Variants in HENMT1 observed in about 807,000 individuals in gnomAD.
HENMT1 encodes small RNA 2'-O-methyltransferase.
Under a neutral mutation model 31.1 loss-of-function variants are expected in HENMT1, and 27 were observed. The observed-to-expected ratio is 0.87, with a 90% CI of 0.64 to 1.20. The LOEUF (loss-of-function observed/expected upper bound fraction) is 1.20. HENMT1 is among the 50% of genes most tolerant of loss of function. HENMT1 has a pLI of 0.00. For synonymous variants in HENMT1, 167 were observed against 172.2 expected, an observed-to-expected ratio of 0.97 and a Z score of 0.24; for missense variants, 438 against 469.6, an observed-to-expected ratio of 0.93 and a Z score of 0.62.
intron 6 of HENMT1, among the ~76,000 whole-genome samples, 162 bp downstream of exon 6, chr1:108,650,868 G>A (rs759923743): frequency 3.9e-4 from 59 of 152,216 alleles, no homozygotes; most frequent in Middle Eastern, 3.4e-3. Flanking sequence ...CAAATGCAAT[G>A]GTTCCTTTGT....
intron 2 of HENMT1, among the ~76,000 whole-genome samples, chr1:108,659,356 CCT>C (rs1658368398): frequency 6.6e-6 from 1 of 151,820 alleles, no homozygotes; most frequent in Non-Finnish European, 1.5e-5. Flanking sequence ...AGAGCAAGAC[CCT>C]GTCTTAAAAA....
chr1:108,650,047 G>T, intron 7 of HENMT1, 164 bp downstream of exon 7: 1 of 720,064 alleles, frequency 1.4e-6, no homozygotes, highest in Non-Finnish European at 2.5e-6. Context: ...GACACCGTAG[G>T]CTAACTCGGA....
rs1657959836 is a variant in HENMT1, at chr1:108,648,875, T to C, written c.873A>G (p.Lys291=). ...TATCACCCCGTTCCCCAGCCTGTTC[T>C]TTCCGCCTTGGCAGGTGGCTCACTC... ...SLRVSHLPRR[K]EQAGERGDKP... is the part of the protein sequence containing the mutation. Residue 291 remains lysine (K), a synonymous_variant, in exon 8 of 8, where the codon AAA becomes AAG. Transcript: ENST00000651461. 1 of 1,614,224 alleles carries C rather than the reference T, an allele frequency of 6.2e-7. No homozygotes were observed. Among genetic ancestry groups the C allele is most frequent in the Non-Finnish European group, 8.5e-7 (1 of 1,180,042 alleles).
At chr1:108,649,208 T>C (rs1452342144) in intron 7 of HENMT1, 2 of 626,594 alleles carry the variant, frequency 3.2e-6, no homozygotes, top group African/African-American at 1.8e-5. Flanking sequence ...TAATGCCCAA[T>C]GTCTCCCAGC....
In HENMT1 at chr1:108,658,118, CAT is replaced by C. The variant is rs1201012648; in HGVS notation, c.22-541_22-540del. On this transcript the variant is annotated intron_variant, in intron 2 of 7. Coordinates refer to ENST00000651461, the MANE Select transcript of HENMT1 (RefSeq NM_001102592.2). ...ACATATATACACACACACACACACA[CAT>C]ATATATATATATATTTTTTTTTTCC... is the stretch of plus-strand genomic sequence containing the variant. Among the ~76,000 whole-genome samples the C allele has an allele frequency of 2.1e-3, 272 of 129,000 alleles. 3 individuals are homozygous for C. Among genetic ancestry groups the C allele is most frequent in the Middle Eastern group, 0.013 (3 of 238 alleles). The allele number at this position is 129,000 out of a possible 152,430, so 84.6% of individuals were successfully genotyped here.
At chr1:108,660,510 C>T (rs1174073083) in intron 1 of HENMT1, among the ~76,000 whole-genome samples, 1 of 152,164 alleles carries the variant, frequency 6.6e-6, no homozygotes, top group African/African-American at 2.4e-5. Flanking sequence ...TAGAGATGCT[C>T]CAACATCTAT....
In HENMT1 at chr1:108,661,021, G is replaced by T; in HGVS notation, c.-137C>A. On this transcript the variant is annotated 5_prime_UTR_variant, in exon 1 of 8. The change creates a new upstream start codon in the 5' untranslated region. Transcript: ENST00000651461. ...CGCTTCCATCATCCTGCGGTAAGCA[G>T]CATGCCCAACCGAAAAAACAAAGCT... 1 of 984,984 alleles carries T rather than the reference G, an allele frequency of 1.0e-6. No individual in the cohort carries two copies. The highest frequency in any genetic ancestry group is 1.2e-6 in the Non-Finnish European group (1 of 829,566). 61.0% of individuals were successfully genotyped at this position (984,984 alleles called of 1,614,324 possible).
intron 2 of HENMT1, among the ~76,000 whole-genome samples, chr1:108,658,447 G>C (rs963807223): frequency 1.3e-5 from 2 of 152,062 alleles, no homozygotes; most frequent in African/African-American, 4.8e-5. Flanking sequence ...CTCTTTTTAA[G>C]AGAGAGAGAG....
chr1:108,650,044 T>C (rs185543569), intron 7 of HENMT1, 167 bp downstream of exon 7: 1 of 715,406 alleles, frequency 1.4e-6, no homozygotes, highest in Middle Eastern at 2.3e-4. Context: ...AAGGACACCG[T>C]AGGCTAACTC....
In HENMT1 at chr1:108,655,848, TACACACACACACACACACACACAC is replaced by T. The variant is rs61122468; in HGVS notation, c.151-174_151-151del. On this transcript the variant is annotated intron_variant, in intron 3 of 7. Transcript: ENST00000651461. Reference sequence around the variant, plus strand: ...GAAGGATCTTTTTGGCAGAAGATGCTACACACACACACACACACACACACACACACACACACACACACACTAACC... The same window carrying T: ...GAAGGATCTTTTTGGCAGAAGATGCTACACACACACACACACACACTAACC... 11 of 234,034 alleles carry T rather than the reference TACACACACACACACACACACACAC, an allele frequency of 4.7e-5. No homozygotes were observed. The East Asian group carries it at 7.1e-4, about 15-fold the overall frequency. The allele number at this position is 234,034 out of a possible 1,614,324, so 14.5% of individuals were successfully genotyped here.
chr1:108,652,114 G>C (rs1658076325), intron 5 of HENMT1, among the ~76,000 whole-genome samples: 1 of 152,198 alleles, frequency 6.6e-6, no homozygotes, highest in South Asian at 2.1e-4. Flanking sequence ...AAGGAGCCCA[G>C]GCAAACGTGA....
intron 3 of HENMT1, 70 bp downstream of exon 3, chr1:108,657,381 T>C: frequency 8.7e-7 from 1 of 1,149,258 alleles, no homozygotes. Context: ...ACTAATCCAT[T>C]TGACAAAACA....
chr1:108,657,659 A>G, intron 2 of HENMT1, 80 bp from the exon 3 acceptor site: 1 of 1,338,340 alleles, frequency 7.5e-7, no homozygotes, highest in Non-Finnish European at 1.0e-6. Flanking sequence ...AAAAAAAAAA[A>G]CTTTATTTCC....
At position 108,648,628 on chromosome 1, in the gene HENMT1, T is replaced by TG. The variant is rs1249336740; in HGVS notation, c.1119dup (p.Ser374GlnfsTer2). 6.2e-7 allele frequency: 1 copy of TG among 1,614,228 alleles called. No homozygotes were observed. ...TCAGCCACCACTGCAGAACCATCAC[T>TG]GCTCAGAGGAATTGAGTCAGCAATG... On this transcript the variant is annotated frameshift_variant, in exon 8 of 8. Transcript: ENST00000651461. LOFTEE classifies it low-confidence loss of function (END_TRUNC).
At position 108,654,802 on chromosome 1, in the gene HENMT1, C is replaced by G. The variant is rs1021214175; in HGVS notation, c.312G>C (p.Leu104=). 3.1e-6 allele frequency: 5 copies of G among 1,614,090 alleles called. No individual in the cohort carries two copies. In the East Asian group the frequency reaches 1.1e-4, roughly 36 times the overall value. Residue 104 remains leucine, a synonymous_variant, in exon 5 of 8, where the codon CTG becomes CTC. Transcript: ENST00000651461. ...CATGATACAATGTGATGGTCAAATT[C>G]AGATCCCGAGGTTTCAGAAAATCCC... ...FLGDFLKPRD[L]NLTITLYHGS...
chr1:108,649,235 C>G (rs1296897829), intron 7 of HENMT1: 3 of 612,294 alleles, frequency 4.9e-6, no homozygotes, highest in Non-Finnish European at 9.1e-6. Flanking sequence ...TCTACCAAGT[C>G]ACATGAACCC....
intron 5 of HENMT1, chr1:108,651,418 A>C (rs1658051057): frequency 2.0e-6 from 1 of 510,466 alleles, no homozygotes; most frequent in African/African-American, 1.9e-5. Context: ...GCCAAGGTGG[A>C]TGGATCACCC....
chr1:108,651,924 T>A (rs1224834357), intron 5 of HENMT1, among the ~76,000 whole-genome samples: 4 of 152,180 alleles, frequency 2.6e-5, no homozygotes, highest in African/African-American at 4.8e-5. Flanking sequence ...CTCCCTGATA[T>A]AATGCATCAA....
intron 7 of HENMT1, chr1:108,649,980 A>C (rs1269468879): frequency 3.2e-6 from 2 of 625,032 alleles, no homozygotes; most frequent in Non-Finnish European, 5.9e-6. Flanking sequence ...AGACAACCCC[A>C]GCAGATCATT....
Sources: gnomAD v4.1 joint callset for allele counts (sites outside exome capture counted in the v4.1 genomes callset) on GRCh38, gnomAD v4.1.1 for gene constraint, MANE v1.5 for transcripts, NCBI Gene and HGNC (gene_info 2026-07-23, HGNC 2026-07-21) for gene names.